The following PLEKHH2 variants were observed in gnomAD, a reference collection of about 807,000 sequenced individuals.
PLEKHH2 encodes the protein pleckstrin homology, MyTH4 and FERM domain containing H2.
Under a neutral mutation model 187.9 loss-of-function variants are expected in PLEKHH2, and 129 were observed. The observed-to-expected ratio is 0.69, with a 90% CI of 0.59 to 0.79. PLEKHH2 has a LOEUF of 0.79. PLEKHH2 is among the 30% of genes least tolerant of loss of function. The pLI, the probability that PLEKHH2 is intolerant of heterozygous loss-of-function variation, is 0.00. For missense variants in PLEKHH2, 2,076 were observed against 1,751.2 expected (o/e 1.19, Z -3.31); for synonymous variants, 686 against 605.6 (o/e 1.13, Z -1.95).
At chr2:43,720,532 C>A (rs943070302) in intron 15 of PLEKHH2, 137 bp from the exon 16 acceptor site, 8 of 1,378,128 alleles carry the variant, frequency 5.8e-6, no homozygotes, top group Non-Finnish European at 6.8e-6. Context: ...TTAAACAGCA[C>A]TGGACAATCT....
chr2:43,748,971 GGTATCAA>G (rs1671895004), intron 24 of PLEKHH2, among the ~76,000 whole-genome samples: 1 of 152,100 alleles, frequency 6.6e-6, no homozygotes, highest in Non-Finnish European at 1.5e-5. Flanking sequence ...TGGCCAGGCT[GGTATCAA>G]ACTCCTGACC....
intron 25 of PLEKHH2, among the ~76,000 whole-genome samples, chr2:43,755,796 T>C (rs1672190580): frequency 6.6e-6 from 1 of 152,188 alleles, no homozygotes; most frequent in Non-Finnish European, 1.5e-5. Context: ...TCTTCATGTA[T>C]ATGACTGCTT....
intron 6 of PLEKHH2, among the ~76,000 whole-genome samples, chr2:43,696,623 T>C (rs1669104458): frequency 6.6e-6 from 1 of 152,160 alleles, no homozygotes; most frequent in African/African-American, 2.4e-5. Context: ...AAGCTCTTTA[T>C]ATTGTGGTTA....
intron 2 of PLEKHH2, chr2:43,676,249 A>C (rs1667778669): frequency 6.2e-7 from 1 of 1,613,898 alleles, no homozygotes; most frequent in Non-Finnish European, 8.5e-7. Context: ...TTGGCCAAAC[A>C]TAGTTATCAA....
intron 8 of PLEKHH2, 57 bp from the exon 9 acceptor site, chr2:43,703,914 GTCTTTTTTTT>G: frequency 1.5e-6 from 1 of 652,112 alleles, no homozygotes; most frequent in East Asian, 3.7e-5. Context: ...ATTGAAAGTA[GTCTTTTTTTT>G]TTTTTTTTTT....
chr2:43,660,263 T>C (rs1574492801), intron 2 of PLEKHH2, among the ~76,000 whole-genome samples: 1 of 152,156 alleles, frequency 6.6e-6, no homozygotes, highest in East Asian at 1.9e-4. Flanking sequence ...TGCACCATGA[T>C]GTGTTTATCC....
chr2:43,744,136 G>A, intron 23 of PLEKHH2, 147 bp downstream of exon 23: 1 of 1,396,580 alleles, frequency 7.2e-7, no homozygotes, highest in Non-Finnish European at 9.3e-7. Flanking sequence ...AAAAAAAAAT[G>A]CAGGACTTTG....
intron 24 of PLEKHH2, among the ~76,000 whole-genome samples, chr2:43,749,964 T>A (rs573741477): frequency 6.6e-6 from 1 of 152,368 alleles, no homozygotes; most frequent in South Asian, 2.1e-4. Flanking sequence ...TTGAACTTGT[T>A]CTCATAGACA....
At chr2:43,678,115 C>G (rs58403096) in intron 2 of PLEKHH2, among the ~76,000 whole-genome samples, 3 of 145,342 alleles carry the variant, frequency 2.1e-5, no homozygotes, top group African/African-American at 7.8e-5. Flanking sequence ...CCAGACCGGG[C>G]GGCGGGGCAG....
chr2:43,748,626 G>A (rs570474577), intron 24 of PLEKHH2, among the ~76,000 whole-genome samples: 10 of 152,352 alleles, frequency 6.6e-5, no homozygotes, highest in East Asian at 5.8e-4. Context: ...ATTCTTACAC[G>A]TGCTGGGTTT....
intron 24 of PLEKHH2, among the ~76,000 whole-genome samples, chr2:43,749,457 A>G (rs1671920925): frequency 6.6e-6 from 1 of 152,176 alleles, no homozygotes; most frequent in South Asian, 2.1e-4. Context: ...TGTTCTCAGG[A>G]CCTCCTGAGG....
chr2:43,720,371 G>A (rs1670424182), intron 15 of PLEKHH2, among the ~76,000 whole-genome samples: 1 of 151,910 alleles, frequency 6.6e-6, no homozygotes, highest in African/African-American at 2.4e-5. Flanking sequence ...CTGAGGTTTG[G>A]AGTACAGATC....
In PLEKHH2 at chr2:43,697,432, T is replaced by C. The variant is rs56312123; in HGVS notation, c.688+76T>C. The C allele has an allele frequency of 8.6e-3, 10,302 of 1,202,010 alleles. 693 individuals are homozygous for C. In the African/African-American group the frequency reaches 0.14, roughly 17 times the overall value. The allele number at this position is 1,202,010 out of a possible 1,614,324, so 74.5% of individuals were successfully genotyped here. Reference sequence around the variant, plus strand: ...TCATTTGCTAAGATTAATCCAAATATAGCTTAATTTTCCTTATTTTTTTCT... The same window carrying C: ...TCATTTGCTAAGATTAATCCAAATACAGCTTAATTTTCCTTATTTTTTTCT... On this transcript the variant is annotated intron_variant, in intron 7 of 29. Transcript: ENST00000282406.
At position 43,700,164 on chromosome 2, in the gene PLEKHH2, T is replaced by G. The variant is rs1408461665; in HGVS notation, c.1206T>G (p.Ser402Arg). ...GACTCGATTATTCATCTTCATCGAG[T>G]GAAGCCAACACCCCAAGCCCTATTT... ...SQRLDYSSSS[S>R]EANTPSPILT... is the part of the protein sequence containing the mutation. The change falls in exon 8 of 30, where the codon AGT becomes AGG. Residue 402 changes from serine to arginine, a missense_variant. Transcript: ENST00000282406. 2 of 1,613,914 alleles carry G rather than the reference T, an allele frequency of 1.2e-6. No homozygotes were observed. Among genetic ancestry groups the G allele is most frequent in the Non-Finnish European group, 8.5e-7 (1 of 1,180,002 alleles).
intron 23 of PLEKHH2, among the ~76,000 whole-genome samples, chr2:43,744,709 A>T (rs1385631692): frequency 6.6e-6 from 1 of 151,776 alleles, no homozygotes; most frequent in Non-Finnish European, 1.5e-5. Flanking sequence ...CTCTACTAAA[A>T]ATACAAAAAT....
At chr2:43,694,140 C>A (rs1668970948) in intron 4 of PLEKHH2, among the ~76,000 whole-genome samples, 1 of 152,092 alleles carries the variant, frequency 6.6e-6, no homozygotes, top group East Asian at 1.9e-4. Context: ...TAGACCATTC[C>A]CAGAAATGGC....
At chr2:43,719,011 A>T (rs1171416455) in intron 15 of PLEKHH2, among the ~76,000 whole-genome samples, 2 of 152,212 alleles carry the variant, frequency 1.3e-5, no homozygotes, top group African/African-American at 4.8e-5. Flanking sequence ...TTTTATTCAT[A>T]GTGAGGACGG....
At chr2:43,736,251 T>C (rs565390195) in intron 19 of PLEKHH2, among the ~76,000 whole-genome samples, 13 of 152,316 alleles carry the variant, frequency 8.5e-5, no homozygotes, top group Middle Eastern at 3.4e-3. Flanking sequence ...AACGCTTTTA[T>C]GTGTGCAAGC....
intron 6 of PLEKHH2, among the ~76,000 whole-genome samples, 173 bp from the exon 7 acceptor site, chr2:43,696,998 G>A (rs10199262): frequency 1.3e-5 from 2 of 152,202 alleles, no homozygotes; most frequent in African/African-American, 4.8e-5. Flanking sequence ...TAAACATTGG[G>A]ATGTGATGCT....
Sources: allele counts gnomAD v4.1 joint callset (sites outside exome capture counted in the v4.1 genomes callset), GRCh38; gene constraint gnomAD v4.1.1; transcripts MANE v1.5; gene names NCBI Gene and HGNC (gene_info 2026-07-23, HGNC 2026-07-21).